AKT3: variants seen among roughly 807,000 people sequenced by gnomAD.
The protein encoded by AKT3 is AKT serine/threonine kinase 3.
Under a neutral mutation model 65.3 loss-of-function variants are expected in AKT3, and 15 were observed. The observed-to-expected ratio is 0.23, with a 90% confidence interval of 0.15 to 0.35. The LOEUF is 0.35. AKT3 is among the 10% of genes least tolerant of loss of function. AKT3 has a pLI of 1.00. For synonymous variants in AKT3, 206 were observed against 183.8 expected (o/e 1.12, Z -0.98); for missense variants, 243 against 576.5 (o/e 0.42, Z 5.92).
intron 8 of AKT3, among the ~76,000 whole-genome samples, chr1:243,612,167 G>A (rs1381602726): frequency 1.3e-5 from 2 of 151,918 alleles, no homozygotes; most frequent in Admixed American, 6.6e-5. Context: ...GAAGTGCAGT[G>A]GCATGACCAT....
At chr1:243,492,099 G>C (rs557549154) in intron 13 of AKT3, among the ~76,000 whole-genome samples, 2 of 152,112 alleles carry the variant, frequency 1.3e-5, no homozygotes, top group South Asian at 2.1e-4. Context: ...CTGTTGGCAG[G>C]CTTCATTATT....
intron 2 of AKT3, among the ~76,000 whole-genome samples, chr1:243,811,010 G>C (rs1384718843): frequency 6.6e-6 from 1 of 152,144 alleles, no homozygotes; most frequent in Non-Finnish European, 1.5e-5. Flanking sequence ...ATTAGGTATT[G>C]ATGGGACGTA....
At chr1:243,563,560 C>T (rs1213138239) in intron 10 of AKT3, among the ~76,000 whole-genome samples, 160 bp downstream of exon 10, 1 of 152,156 alleles carries the variant, frequency 6.6e-6, no homozygotes, top group African/African-American at 2.4e-5. Context: ...CTTGATCCTA[C>T]AATACCCCAT....
chr1:243,581,488 C>T (rs1675348476), intron 8 of AKT3, among the ~76,000 whole-genome samples: 1 of 151,766 alleles, frequency 6.6e-6, no homozygotes, highest in African/African-American at 2.4e-5. Flanking sequence ...AAGTCAAAGA[C>T]CCTACCCAGA....
intron 2 of AKT3, among the ~76,000 whole-genome samples, chr1:243,799,095 C>A (rs1418171420): frequency 6.6e-6 from 1 of 152,140 alleles, no homozygotes; most frequent in Non-Finnish European, 1.5e-5. Context: ...GGCACTAGAT[C>A]CTCATTTATC....
chr1:243,671,397 A>C (rs1306470528), intron 3 of AKT3, among the ~76,000 whole-genome samples: 1 of 152,154 alleles, frequency 6.6e-6, no homozygotes, highest in Admixed American at 6.5e-5. Context: ...ATTTTTTATT[A>C]AATCACATAA....
intron 4 of AKT3, among the ~76,000 whole-genome samples, chr1:243,659,450 G>A (rs75304868): frequency 0.02 from 2,784 of 142,676 alleles, 36 homozygotes; most frequent in Admixed American, 0.04. Flanking sequence ...ATGCACTAAT[G>A]TAGCTAAGAA....
At chr1:243,828,932 G>T (rs1053154623) in intron 2 of AKT3, among the ~76,000 whole-genome samples, 1 of 152,124 alleles carries the variant, frequency 6.6e-6, no homozygotes, top group Non-Finnish European at 1.5e-5. Context: ...CGAGTTCCAG[G>T]TTCCCATGGC....
At chr1:243,589,728 T>G (rs1303788956) in intron 8 of AKT3, among the ~76,000 whole-genome samples, 1 of 152,206 alleles carries the variant, frequency 6.6e-6, no homozygotes, top group African/African-American at 2.4e-5. Flanking sequence ...TTCAAATAGA[T>G]ATCTGTACTC....
intron 1 of AKT3, among the ~76,000 whole-genome samples, chr1:243,848,595 A>G (rs995052485): frequency 6.6e-6 from 1 of 152,218 alleles, no homozygotes; most frequent in Non-Finnish European, 1.5e-5. Context: ...TCAACCACTG[A>G]CAAAACCCAG....
chr1:243,816,962 G>T (rs575643742), intron 2 of AKT3, among the ~76,000 whole-genome samples: 35 of 152,214 alleles, frequency 2.3e-4, no homozygotes, highest in African/African-American at 6.3e-4. Context: ...CTTGTTGCAC[G>T]AGTAAAATGT....
chr1:243,664,299 C>A (rs1440445409), intron 4 of AKT3, among the ~76,000 whole-genome samples: 1 of 147,782 alleles, frequency 6.8e-6, no homozygotes, highest in Non-Finnish European at 1.5e-5. Context: ...TGGGTTCATG[C>A]CATTCTCCTG....
intron 12 of AKT3, among the ~76,000 whole-genome samples, chr1:243,522,730 C>A (rs975526237): frequency 5.3e-5 from 8 of 152,108 alleles, no homozygotes; most frequent in Non-Finnish European, 1.2e-4. Context: ...CACACATACA[C>A]AGAAAGGCTA....
chr1:243,834,591 G>A (rs1015918488), intron 2 of AKT3, among the ~76,000 whole-genome samples: 1 of 152,076 alleles, frequency 6.6e-6, no homozygotes, highest in African/African-American at 2.4e-5. Flanking sequence ...AGGGTGGAGG[G>A]TGGGAGAAAG....
intron 13 of AKT3, among the ~76,000 whole-genome samples, chr1:243,489,328 G>T (rs1031400739): frequency 6.6e-6 from 1 of 152,242 alleles, no homozygotes; most frequent in Admixed American, 6.5e-5. Context: ...GCCCGTCCTG[G>T]TGAGGGAGTT....
rs371365459 is a variant in AKT3 at position 243,545,495 on chromosome 1, A to G, written c.1251+15T>C. On this transcript the variant is annotated intron_variant, in intron 12 of 13. Coordinates refer to ENST00000673466, the MANE Select transcript of AKT3 (RefSeq NM_005465.7). ...AGCCAAAATATATACACACTATGCC[A>G]TAAAGAAATCTTACCTTTTTATCAT... is the stretch of plus-strand genomic sequence containing the variant. 62 of 1,537,556 alleles carry G rather than the reference A, an allele frequency of 4.0e-5. 1 individual carries two copies. The African/African-American group carries it at 8.2e-4, about 20-fold the overall frequency.
At chr1:243,633,518 T>C (rs1222793559) in intron 6 of AKT3, among the ~76,000 whole-genome samples, 1 of 152,092 alleles carries the variant, frequency 6.6e-6, no homozygotes, top group Admixed American at 6.5e-5. Flanking sequence ...AAGGACAGAA[T>C]TGTAAAGAAG....
intron 2 of AKT3, among the ~76,000 whole-genome samples, chr1:243,761,341 A>T (rs752583343): frequency 6.6e-6 from 1 of 152,208 alleles, no homozygotes; most frequent in Non-Finnish European, 1.5e-5. Context: ...GGACAAGCTA[A>T]ATATCATAAT....
rs567849353 is a variant in AKT3 at position 243,779,332 on chromosome 1, C to T, written c.46+63793G>A. ...TCTCTAAAGTTTGTAGGGACTCCTACAGTGTAGATTCTCCTCCAGCAATAC... is the reference window on the plus strand; with the variant it reads ...TCTCTAAAGTTTGTAGGGACTCCTATAGTGTAGATTCTCCTCCAGCAATAC... On this transcript the variant is annotated intron_variant, in intron 2 of 13. Transcript: ENST00000673466. Among the ~76,000 whole-genome samples, 86 of 152,156 alleles carry T rather than the reference C, an allele frequency of 5.7e-4. 4 individuals are homozygous for T. The South Asian group carries it at 0.018, about 31-fold the overall frequency.
Sources: allele counts gnomAD v4.1 joint callset (sites outside exome capture counted in the v4.1 genomes callset), GRCh38; gene constraint gnomAD v4.1.1; transcripts MANE v1.5; gene names NCBI Gene and HGNC (gene_info 2026-07-23, HGNC 2026-07-21).